The following ARHGEF3 variants were observed in gnomAD, a reference collection of about 807,000 sequenced individuals.
The protein encoded by ARHGEF3 is Rho guanine nucleotide exchange factor 3.
In ARHGEF3, 28 loss-of-function variants were observed where a neutral mutation model predicts 63.2. That is an observed-to-expected ratio of 0.44 (90% CI 0.33 to 0.61). The LOEUF (loss-of-function observed/expected upper bound fraction) is 0.61. Among genes scored for constraint, ARHGEF3 ranks in the 20% least tolerant of loss-of-function variants. ARHGEF3 has a pLI of 0.03. For synonymous variants in ARHGEF3, 266 were observed against 254.2 expected (o/e 1.05, Z -0.44); for missense variants, 533 against 659.3 (o/e 0.81, Z 2.10).
chr3:56,952,148 T>G (rs111724559), intron 3 of ARHGEF3, among the ~76,000 whole-genome samples: 4 of 151,944 alleles, frequency 2.6e-5, no homozygotes, highest in African/African-American at 9.7e-5. Context: ...TGGGCCTAAT[T>G]TAGTCTGATG....
At chr3:57,034,768 C>T (rs965974335) in intron 2 of ARHGEF3, among the ~76,000 whole-genome samples, 16 of 151,002 alleles carry the variant, frequency 1.1e-4, no homozygotes, top group African/African-American at 2.7e-4. Flanking sequence ...ACAATCCTCC[C>T]GCCTCAGCCT....
chr3:56,835,419 A>G (rs28716943), intron 4 of ARHGEF3, among the ~76,000 whole-genome samples: 15,864 of 151,810 alleles, frequency 0.1, 988 homozygotes, highest in Non-Finnish European at 0.13. Flanking sequence ...CAGGTGATCC[A>G]CCCGCCTCGG....
Position 57,073,917 on chromosome 3 carries a change from G to C in ARHGEF3, c.-28+5309C>G, listed in dbSNP as rs1037140097. The C allele has an allele frequency of 1.9e-6, 3 of 1,614,204 alleles. No homozygotes were observed. Among genetic ancestry groups the C allele is most frequent in the Non-Finnish European group, 8.5e-7 (1 of 1,180,044 alleles). On this transcript the variant is annotated intron_variant, in intron 1 of 12. Coordinates refer to the ARHGEF3 transcript ENST00000338458. ...CCTCCCAGAGCTGACATTTCAGGGGGATGTGTGCCAAAGTGAGACCTGTCA... is the reference window on the plus strand; with the variant it reads ...CCTCCCAGAGCTGACATTTCAGGGGCATGTGTGCCAAAGTGAGACCTGTCA...
chr3:57,025,143 C>T (rs1334127213), intron 2 of ARHGEF3, among the ~76,000 whole-genome samples: 1 of 152,152 alleles, frequency 6.6e-6, no homozygotes, highest in Non-Finnish European at 1.5e-5. Context: ...GGGATCTGTT[C>T]TGGATCGAAG....
At chr3:57,049,167 C>T (rs989062753) in intron 1 of ARHGEF3, among the ~76,000 whole-genome samples, 30 of 152,208 alleles carry the variant, frequency 2.0e-4, no homozygotes, top group African/African-American at 6.0e-4. Flanking sequence ...GCCAGAAGTT[C>T]GAGACCAGCC....
chr3:56,982,825 T>C (rs1701377930), intron 2 of ARHGEF3, among the ~76,000 whole-genome samples: 2 of 152,022 alleles, frequency 1.3e-5, no homozygotes, highest in Admixed American at 1.3e-4. Context: ...TTCCTCCTCT[T>C]TCTGGATATG....
intron 3 of ARHGEF3, among the ~76,000 whole-genome samples, chr3:56,945,987 C>A (rs1699475486): frequency 6.6e-6 from 1 of 152,208 alleles, no homozygotes; most frequent in South Asian, 2.1e-4. Flanking sequence ...TGCTGTTCTG[C>A]AGCCTCCATT....
At chr3:56,747,891 T>C (rs959935504) in intron 6 of ARHGEF3, among the ~76,000 whole-genome samples, 6 of 152,204 alleles carry the variant, frequency 3.9e-5, no homozygotes, top group Admixed American at 3.3e-4. Context: ...TGTCAGTGAC[T>C]CTTCCAAGCC....
chr3:57,070,416 G>A (rs1436900557), intron 1 of ARHGEF3, among the ~76,000 whole-genome samples: 1 of 152,204 alleles, frequency 6.6e-6, no homozygotes, highest in Non-Finnish European at 1.5e-5. Flanking sequence ...AGTTTTGTCT[G>A]TGCAGTTTGA....
upstream of ARHGEF3, among the ~76,000 whole-genome samples, chr3:56,804,696 A>G (rs191400676): frequency 1.2e-4 from 19 of 152,362 alleles, no homozygotes; most frequent in African/African-American, 4.1e-4. Context: ...GGGGCAGGAA[A>G]GAGCACCTCA....
intron 3 of ARHGEF3, among the ~76,000 whole-genome samples, chr3:56,893,811 CAAAAAAAAAA>C (rs537483698): frequency 6.7e-4 from 53 of 79,506 alleles, no homozygotes; most frequent in African/African-American, 1.8e-3. Flanking sequence ...GACTCTGTCT[CAAAAAAAAAA>C]AAAAAAAAAA....
chr3:56,748,328 G>A (rs558009604), intron 6 of ARHGEF3, among the ~76,000 whole-genome samples: 1 of 152,170 alleles, frequency 6.6e-6, no homozygotes, highest in South Asian at 2.1e-4. Context: ...CTGTGCTTGG[G>A]CCCTAGAATA....
chr3:56,821,512 TG>T (rs2038492347), intron 4 of ARHGEF3, among the ~76,000 whole-genome samples: 1 of 152,228 alleles, frequency 6.6e-6, no homozygotes, highest in African/African-American at 2.4e-5. Flanking sequence ...TTATCATTTT[TG>T]GTTGGTCAAT....
rs1006639397 is a variant in ARHGEF3 at position 56,794,852 on chromosome 3, C to T, written c.96+6851G>A. Among the ~76,000 whole-genome samples the T allele has an allele frequency of 2.0e-5, 3 of 151,218 alleles. No homozygotes were observed. The East Asian group carries it at 5.8e-4, about 29-fold the overall frequency. On this transcript the variant is annotated intron_variant, in intron 1 of 9. Transcript: ENST00000296315. ...TATTGTTATTTTTTATTGTTTTATT[C>T]CCTGATATTTTCTTTTTTTTTCTGA...
At chr3:57,040,993 C>T (rs1704165733) in intron 1 of ARHGEF3, among the ~76,000 whole-genome samples, 1 of 152,116 alleles carries the variant, frequency 6.6e-6, no homozygotes, top group South Asian at 2.1e-4. Flanking sequence ...TCCCCACTCC[C>T]CACCAACTTC....
intron 2 of ARHGEF3, among the ~76,000 whole-genome samples, chr3:56,975,098 C>T (rs570461988): frequency 1.3e-5 from 2 of 152,182 alleles, no homozygotes; most frequent in South Asian, 2.1e-4. Flanking sequence ...TCATAGAGAA[C>T]GTTGTCAAGG....
intron 1 of ARHGEF3, chr3:57,074,264 G>A: frequency 1.2e-6 from 2 of 1,606,406 alleles, no homozygotes; most frequent in African/African-American, 2.7e-5. Context: ...ACACACATCT[G>A]TAATCAATAA....
At chr3:56,848,191 A>G (rs2039552394) in intron 4 of ARHGEF3, among the ~76,000 whole-genome samples, 1 of 152,190 alleles carries the variant, frequency 6.6e-6, no homozygotes, top group Non-Finnish European at 1.5e-5. Context: ...AAAAAAAAGT[A>G]TGTGGATGAG....
At chr3:56,773,873 T>C (rs1250447997) in intron 1 of ARHGEF3, 57 bp from the exon 2 acceptor site, 2 of 1,382,104 alleles carry the variant, frequency 1.4e-6, no homozygotes, top group East Asian at 4.7e-5. Context: ...AAAGACAACA[T>C]AACTCCATCA....
Sources: allele counts gnomAD v4.1 joint callset (sites outside exome capture counted in the v4.1 genomes callset), GRCh38; gene constraint gnomAD v4.1.1; transcripts MANE v1.5; gene names NCBI Gene and HGNC (gene_info 2026-07-23, HGNC 2026-07-21).